The following PLCL2 variants were observed in gnomAD, a reference collection of about 807,000 sequenced individuals.
PLCL2 encodes phospholipase C like 2.
In PLCL2, 4 loss-of-function variants were observed where a neutral mutation model predicts 79.6. The observed-to-expected ratio is 0.05, with a 90% confidence interval of 0.02 to 0.11. The LOEUF is 0.11. Among genes scored for constraint, PLCL2 ranks in the 10% least tolerant of loss-of-function variants. PLCL2 has a pLI of 1.00. For synonymous variants in PLCL2, 484 were observed against 457.7 expected (o/e 1.06, Z -0.73); for missense variants, 895 against 1,291.0 (o/e 0.69, Z 4.70).
chr3:17,089,276 T>C (rs2065250597), intron 5 of PLCL2, among the ~76,000 whole-genome samples: 1 of 152,216 alleles, frequency 6.6e-6, no homozygotes, highest in Admixed American at 6.5e-5. Context: ...GCTATAGTTA[T>C]GTGAGACATA....
chr3:17,060,141 G>T (rs1355126596), intron 4 of PLCL2, among the ~76,000 whole-genome samples: 1 of 152,164 alleles, frequency 6.6e-6, no homozygotes, highest in Non-Finnish European at 1.5e-5. Context: ...TGTGTGTTTA[G>T]AATGGTGGCA....
chr3:17,012,394 C>G (rs2064336062), intron 2 of PLCL2, among the ~76,000 whole-genome samples: 1 of 152,200 alleles, frequency 6.6e-6, no homozygotes, highest in African/African-American at 2.4e-5. Flanking sequence ...TGCTGTGTTA[C>G]ACACCTTCAT....
intron 1 of PLCL2, among the ~76,000 whole-genome samples, chr3:16,910,667 G>T (rs1458256538): frequency 6.6e-6 from 1 of 151,154 alleles, no homozygotes; most frequent in Non-Finnish European, 1.5e-5. Flanking sequence ...TCTCTACCCC[G>T]ACTCTCTTCT....
rs766681969 is a variant in PLCL2, at chr3:16,886,924, C to T, written c.327+1558C>T. On this transcript the variant is annotated intron_variant, in intron 1 of 5. Transcript: ENST00000615277. The surrounding 1 kb of genome is among the most constrained non-coding windows in gnomAD (Gnocchi z 4.2). ...AAGATACCAGCCTACCTAATTTTAA[C>T]CCCTTTCTTTTAATTGTTTTGAATA... Among the ~76,000 whole-genome samples the T allele has an allele frequency of 2.0e-5, 3 of 152,132 alleles. No individual in the cohort carries two copies. Among genetic ancestry groups the T allele is most frequent in the Non-Finnish European group, 4.4e-5 (3 of 68,028 alleles).
chr3:17,064,912 G>A (rs2064993373), intron 4 of PLCL2, among the ~76,000 whole-genome samples: 1 of 141,020 alleles, frequency 7.1e-6, no homozygotes, highest in African/African-American at 2.7e-5. Flanking sequence ...CTGGGCAGCA[G>A]AGTGAGACTC....
chr3:17,020,626 A>T (rs936444198), intron 3 of PLCL2, among the ~76,000 whole-genome samples: 3 of 152,182 alleles, frequency 2.0e-5, no homozygotes, highest in African/African-American at 7.2e-5. Context: ...TACTCTGAGG[A>T]ATCCATTTCC....
chr3:16,959,811 G>A (rs2063739065), intron 1 of PLCL2, among the ~76,000 whole-genome samples: 2 of 152,066 alleles, frequency 1.3e-5, no homozygotes, highest in South Asian at 4.1e-4. Context: ...AATTCTTTAG[G>A]TGTAAGAAGG....
chr3:17,061,069 T>C (rs1050571878), intron 4 of PLCL2, among the ~76,000 whole-genome samples: 5 of 152,210 alleles, frequency 3.3e-5, no homozygotes, highest in African/African-American at 1.2e-4. Context: ...CTATATTTGC[T>C]TCTAAAATTT....
intron 1 of PLCL2, among the ~76,000 whole-genome samples, chr3:17,006,165 A>G (rs770998592): frequency 2.2e-4 from 34 of 152,350 alleles, no homozygotes; most frequent in Non-Finnish European, 3.7e-4. Context: ...GGCAGCATAA[A>G]CAATAGATCC....
intron 1 of PLCL2, among the ~76,000 whole-genome samples, chr3:16,980,341 G>T (rs1248058810): frequency 2.7e-5 from 4 of 149,068 alleles, no homozygotes; most frequent in African/African-American, 9.9e-5. Flanking sequence ...TTCCCAGACG[G>T]GGTGGCTGCT....
chr3:16,985,822 A>G (rs957008910), intron 1 of PLCL2, among the ~76,000 whole-genome samples: 9 of 152,148 alleles, frequency 5.9e-5, no homozygotes, highest in Non-Finnish European at 1.3e-4. Context: ...AGTTGTTTCC[A>G]GTGGCAGCTG....
At chr3:17,073,780 A>C (rs1250251139) in intron 5 of PLCL2, among the ~76,000 whole-genome samples, 1 of 152,244 alleles carries the variant, frequency 6.6e-6, no homozygotes, top group East Asian at 1.9e-4. Flanking sequence ...TTGCTCATTC[A>C]TAAGAAGCAA....
rs551790752 is a variant in PLCL2, at chr3:16,919,508, C to G, written c.327+34142C>G. ...TTTTATGTATTGTTCTATTGTATCCCTTTTCGGTTTCATTAATTTCTGATG... is the reference window on the plus strand; with the variant it reads ...TTTTATGTATTGTTCTATTGTATCCGTTTTCGGTTTCATTAATTTCTGATG... On this transcript the variant is annotated intron_variant, in intron 1 of 5. Transcript: ENST00000615277. Among the ~76,000 whole-genome samples the G allele has an allele frequency of 7.9e-5, 12 of 152,156 alleles. No homozygotes were observed. In the South Asian group the frequency reaches 2.5e-3, roughly 32 times the overall value.
rs369594762 is a variant in PLCL2 at position 17,085,670 on chromosome 3, C to T, written c.3205-4063C>T. ...TTCACCATGTTAGCCAGGATGGTCT[C>T]GATCTCCTGACCTCATGATCCGCCC... On this transcript the variant is annotated intron_variant, in intron 5 of 5. Transcript: ENST00000615277. 3.3e-5 allele frequency among the ~76,000 whole-genome samples: 5 copies of T among 150,196 alleles called. No individual in the cohort carries two copies. The East Asian group carries it at 8.0e-4, about 24-fold the overall frequency.
At chr3:16,936,176 T>C (rs1341069570) in intron 1 of PLCL2, among the ~76,000 whole-genome samples, 1 of 152,218 alleles carries the variant, frequency 6.6e-6, no homozygotes, top group Non-Finnish European at 1.5e-5. Context: ...GTCCTGGACA[T>C]TTATCATTTG....
chr3:17,057,607 G>C (rs753710287), intron 4 of PLCL2, among the ~76,000 whole-genome samples: 2 of 152,142 alleles, frequency 1.3e-5, no homozygotes, highest in Non-Finnish European at 2.9e-5. Context: ...TAGAGATGAG[G>C]CCTACAGATA....
At chr3:17,069,283 G>C (rs976171961) in intron 5 of PLCL2, among the ~76,000 whole-genome samples, 5 of 152,144 alleles carry the variant, frequency 3.3e-5, no homozygotes, top group Non-Finnish European at 5.9e-5. Context: ...ATTCTCTTTG[G>C]GAACTGAATG....
intron 1 of PLCL2, among the ~76,000 whole-genome samples, chr3:16,934,355 G>A (rs1405980400): frequency 6.6e-6 from 1 of 152,166 alleles, no homozygotes; most frequent in Non-Finnish European, 1.5e-5. Flanking sequence ...CTGAGCCCTG[G>A]AGAATGTGAG....
At chr3:17,007,422 T>C (rs1234356841) in intron 1 of PLCL2, among the ~76,000 whole-genome samples, 1 of 152,240 alleles carries the variant, frequency 6.6e-6, no homozygotes, top group African/African-American at 2.4e-5. Context: ...ATCTATGCTT[T>C]AGGGATTTGA....
Sources: gnomAD v4.1 joint callset for allele counts (sites outside exome capture counted in the v4.1 genomes callset) on GRCh38, gnomAD v4.1.1 for gene constraint, Gnocchi (gnomAD v3.1) non-coding constraint, MANE v1.5 for transcripts, NCBI Gene and HGNC (gene_info 2026-07-23, HGNC 2026-07-21) for gene names.